The following AK4 variants were observed in gnomAD, a reference collection of about 807,000 sequenced individuals.
The protein encoded by AK4 is adenylate kinase 4, also known as adenylate kinase 4, mitochondrial.
AK4 carries 13 observed loss-of-function variants against 24.6 expected under a neutral mutation model. That is an observed-to-expected ratio of 0.53 (90% confidence interval 0.34 to 0.84). The LOEUF (loss-of-function observed/expected upper bound fraction) is 0.84. Among genes scored for constraint, AK4 ranks in the 40% least tolerant of loss-of-function variants. AK4 has a pLI of 0.01. For synonymous variants in AK4, 88 were observed against 107.0 expected (o/e 0.82, Z 1.10); for missense variants, 192 against 288.2 (o/e 0.67, Z 2.42).
At chr1:65,159,779 C>T (rs976097835) in intron 1 of AK4, among the ~76,000 whole-genome samples, 1 of 151,928 alleles carries the variant, frequency 6.6e-6, no homozygotes, top group African/African-American at 2.4e-5. Flanking sequence ...ACCAGCCTGG[C>T]CAATATGGTG....
At chr1:65,188,320 G>A (rs914432600) in intron 1 of AK4, among the ~76,000 whole-genome samples, 2 of 151,878 alleles carry the variant, frequency 1.3e-5, no homozygotes, top group Admixed American at 6.6e-5. Context: ...GCTTGAACCC[G>A]GGAGGCAGAG....
chr1:65,161,318 G>A lies in AK4; in HGVS notation c.145+12766G>A, dbSNP rs537649286. 2.2e-4 allele frequency among the ~76,000 whole-genome samples: 34 copies of A among 152,178 alleles called. 1 individual carries two copies. Among genetic ancestry groups the A allele is most frequent in the Admixed American group, 1.0e-3 (16 of 15,288 alleles). ...CCCAGCATTAGGTATGGGGAGGCGT[G>A]CAAAAAAGTAAAACTTGTTCTCTGT... On this transcript the variant is annotated intron_variant, in intron 1 of 4. Coordinates refer to ENST00000327299, the MANE Select transcript of AK4 (RefSeq NM_013410.4).
chr1:65,179,482 G>A (rs1329290768), intron 1 of AK4, among the ~76,000 whole-genome samples: 1 of 152,186 alleles, frequency 6.6e-6, no homozygotes, highest in Non-Finnish European at 1.5e-5. Flanking sequence ...CTAAGAAATA[G>A]GGAATATTAT....
rs556848492 is a variant in AK4 at position 65,169,187 on chromosome 1, A to G, written c.145+20635A>G. ...TGAGACGCTGTCTCAAAAAAAAAAA[A>G]AAAAAGAAAAAGAAAAGAAAAGAAA... On this transcript the variant is annotated intron_variant, in intron 1 of 4. Transcript: ENST00000327299. Among the ~76,000 whole-genome samples the G allele has an allele frequency of 1.1e-4, 17 of 151,980 alleles. No individual in the cohort carries two copies. In the East Asian group the frequency reaches 2.5e-3, roughly 22 times the overall value.
intron 1 of AK4, among the ~76,000 whole-genome samples, chr1:65,185,052 G>C (rs1651050805): frequency 6.6e-6 from 1 of 152,278 alleles, no homozygotes; most frequent in East Asian, 1.9e-4. Context: ...GGGTCGTACT[G>C]CTTGTGTTGA....
intron 1 of AK4, among the ~76,000 whole-genome samples, chr1:65,153,956 G>A (rs1251758675): frequency 6.6e-6 from 1 of 152,198 alleles, no homozygotes; most frequent in East Asian, 1.9e-4. Context: ...TCAGAGAGAC[G>A]AGCAGGTGCC....
chr1:65,208,067 A>G (rs1651864038), intron 2 of AK4, among the ~76,000 whole-genome samples: 2 of 152,196 alleles, frequency 1.3e-5, no homozygotes, highest in South Asian at 4.1e-4. Context: ...ATACCCAATA[A>G]TAGTTTTGCT....
At chr1:65,210,771 G>T (rs977695905) in intron 2 of AK4, among the ~76,000 whole-genome samples, 1 of 151,494 alleles carries the variant, frequency 6.6e-6, no homozygotes, top group Middle Eastern at 3.2e-3. Context: ...TCCCAGTACC[G>T]TCCGCCCCCT....
At chr1:65,206,414 C>G (rs1463860785) in intron 2 of AK4, among the ~76,000 whole-genome samples, 1 of 152,152 alleles carries the variant, frequency 6.6e-6, no homozygotes. Flanking sequence ...ACAGTGGGAC[C>G]GGTTTTCCCC....
chr1:65,224,785 C>T lies in AK4; in HGVS notation c.472C>T (p.Gln158Ter). Residue 158 changes from glutamine to a stop codon, truncating the protein, a stop_gained, in exon 4 of 5, where the codon CAG (glutamine) becomes TAG (stop). Transcript: ENST00000327299. LOFTEE classifies it high-confidence loss of function. ...TGACGTCACTGGTGAACCGTTAGTC[C>T]AGCAGGAGGATGATAAACCCGAAGC... ...IDDVTGEPLV[Q>*]QEDDKPEAVA... 1 of 1,613,422 alleles carries T rather than the reference C, an allele frequency of 6.2e-7. No homozygotes were observed. Among genetic ancestry groups the T allele is most frequent in the South Asian group, 1.1e-5 (1 of 91,042 alleles).
At chr1:65,203,883 G>A (rs554110276) in intron 2 of AK4, among the ~76,000 whole-genome samples, 1 of 152,258 alleles carries the variant, frequency 6.6e-6, no homozygotes, top group East Asian at 1.9e-4. Flanking sequence ...ACTCTTGATT[G>A]TCCTGTCACC....
chr1:65,225,991 T>C (rs943873223), intron 4 of AK4, 72 bp from the exon 5 acceptor site: 57 of 1,486,954 alleles, frequency 3.8e-5, no homozygotes, highest in Non-Finnish European at 5.0e-5. Flanking sequence ...TTGTTTTATA[T>C]CTAGGATCTT....
chr1:65,153,041 G>T (rs6702993), intron 1 of AK4, among the ~76,000 whole-genome samples: 44 of 152,010 alleles, frequency 2.9e-4, no homozygotes, highest in Non-Finnish European at 2.2e-4. Context: ...CCCTAGCTGG[G>T]TGAGACTCAG....
At chr1:65,183,214 T>A (rs1351431082) in intron 1 of AK4, among the ~76,000 whole-genome samples, 3 of 152,152 alleles carry the variant, frequency 2.0e-5, no homozygotes, top group Admixed American at 6.6e-5. Context: ...GCCTTTTGTA[T>A]TTTGGATCTT....
chr1:65,172,062 AGT>A (rs1557444411), intron 1 of AK4, among the ~76,000 whole-genome samples: 1 of 29,912 alleles, frequency 3.3e-5, no homozygotes, highest in Non-Finnish European at 9.3e-5. Flanking sequence ...CTCCATCTCA[AGT>A]ATATATATAT....
rs377766506 is a variant in AK4, at chr1:65,160,577, CA to C, written c.145+12030del. On this transcript the variant is annotated intron_variant, in intron 1 of 4. Transcript: ENST00000327299. ...CTTTTATAAGACACAAGACTTAAAACAAAAACACAAAAACAATAAATTAAGT... is the reference window on the plus strand; with the variant it reads ...CTTTTATAAGACACAAGACTTAAAACAAAACACAAAAACAATAAATTAAGT... Among the ~76,000 whole-genome samples, 104 of 152,156 alleles carry C rather than the reference CA, an allele frequency of 6.8e-4. 2 individuals are homozygous for C. In the East Asian group the frequency reaches 0.014, roughly 20 times the overall value.
chr1:65,163,316 C>G (rs1339189860), intron 1 of AK4, among the ~76,000 whole-genome samples: 1 of 152,050 alleles, frequency 6.6e-6, no homozygotes, highest in African/African-American at 2.4e-5. Flanking sequence ...ATGAATGATT[C>G]ACGAATCGGG....
At chr1:65,180,714 T>C (rs1267326884) in intron 1 of AK4, among the ~76,000 whole-genome samples, 1 of 152,252 alleles carries the variant, frequency 6.6e-6, no homozygotes, top group African/African-American at 2.4e-5. Flanking sequence ...AAAATATTCT[T>C]ACAAGTGGGG....
intron 1 of AK4, among the ~76,000 whole-genome samples, chr1:65,153,709 A>G (rs1351939949): frequency 6.6e-6 from 1 of 152,164 alleles, no homozygotes; most frequent in Admixed American, 6.5e-5. Flanking sequence ...AAGCAAATAA[A>G]TTAAAGGTGA....
Sources: gnomAD v4.1 joint callset for allele counts (sites outside exome capture counted in the v4.1 genomes callset) on GRCh38, gnomAD v4.1.1 for gene constraint, MANE v1.5 for transcripts, NCBI Gene and HGNC (gene_info 2026-07-23, HGNC 2026-07-21) for gene names.